The following CYP19A1 variants were observed in gnomAD, a reference collection of about 807,000 sequenced individuals.
CYP19A1 encodes aromatase.
A neutral mutation model predicts 44.4 loss-of-function variants in CYP19A1; 32 were observed. That is an observed-to-expected ratio of 0.72 (90% CI 0.54 to 0.97). The LOEUF is 0.97. Ranked by LOEUF, CYP19A1 falls within the 50% of genes least tolerant of loss-of-function variation. The pLI is 0.00. For missense variants in CYP19A1, 598 were observed against 637.8 expected (o/e 0.94, Z 0.67); for synonymous variants, 212 against 215.6 (o/e 0.98, Z 0.14).
chr15:51,220,013 G>C (rs2031931489), intron 5 of CYP19A1, among the ~76,000 whole-genome samples: 1 of 152,180 alleles, frequency 6.6e-6, no homozygotes, highest in Admixed American at 6.5e-5. Context: ...GCTGGAGTAG[G>C]GGAGATGCGG....
chr15:51,253,353 C>T (rs2034397209), intron 1 of CYP19A1, among the ~76,000 whole-genome samples: 1 of 152,180 alleles, frequency 6.6e-6, no homozygotes, highest in Non-Finnish European at 1.5e-5. Context: ...GGAGTTGTGC[C>T]CTCAGGGGTC....
intron 1 of CYP19A1, among the ~76,000 whole-genome samples, chr15:51,326,772 A>G (rs1487882854): frequency 1.3e-5 from 2 of 152,256 alleles, no homozygotes; most frequent in Admixed American, 6.5e-5. Context: ...AATGAGACAC[A>G]GGGCTTTGGA....
chr15:51,289,933 C>T (rs988399219), intron 1 of CYP19A1, among the ~76,000 whole-genome samples: 2 of 152,152 alleles, frequency 1.3e-5, no homozygotes, highest in African/African-American at 4.8e-5. Context: ...ACAGCACCCC[C>T]AACTTCCCAC....
At chr15:51,333,353 G>A (rs2036730388) in intron 1 of CYP19A1, among the ~76,000 whole-genome samples, 1 of 152,050 alleles carries the variant, frequency 6.6e-6, no homozygotes, top group Admixed American at 6.6e-5. Flanking sequence ...ACATCTCCCA[G>A]GCTCAGGAGT....
At chr15:51,258,604 T>TC (rs2034600340) in intron 1 of CYP19A1, among the ~76,000 whole-genome samples, 1 of 149,184 alleles carries the variant, frequency 6.7e-6, no homozygotes, top group South Asian at 2.2e-4. Context: ...GAAAAGGCCC[T>TC]CCTTCAGCAG....
chr15:51,249,706 C>T (rs1457103576), intron 1 of CYP19A1, among the ~76,000 whole-genome samples: 1 of 152,172 alleles, frequency 6.6e-6, no homozygotes, highest in Admixed American at 6.5e-5. Context: ...TGAACTTCTA[C>T]ATCAAGGAGA....
chr15:51,254,160 G>C (rs2034429679), intron 1 of CYP19A1, among the ~76,000 whole-genome samples: 2 of 152,218 alleles, frequency 1.3e-5, no homozygotes, highest in Non-Finnish European at 2.9e-5. Flanking sequence ...AGGAGGTTTT[G>C]AGAAAAACAG....
rs552387708 is a variant in CYP19A1 at position 51,231,165 on chromosome 15, T to G, written c.297-3232A>C. Among the ~76,000 whole-genome samples, 5 of 152,340 alleles carry G rather than the reference T, an allele frequency of 3.3e-5. No individual in the cohort carries two copies. In the South Asian group the frequency reaches 1.0e-3, roughly 32 times the overall value. ...TCTTCTGATGTGATGTGATATGAAG[T>G]TCCTAGTACTACTGAAGTGTTATTG... On this transcript the variant is annotated intron_variant, in intron 3 of 9. Coordinates refer to ENST00000396402, the MANE Select transcript of CYP19A1 (RefSeq NM_000103.4).
At chr15:51,237,685 C>T (rs192393128) in intron 2 of CYP19A1, among the ~76,000 whole-genome samples, 4 of 152,236 alleles carry the variant, frequency 2.6e-5, no homozygotes, top group East Asian at 3.9e-4. Context: ...AGTTTGAGTC[C>T]CATGATCTGG....
intron 1 of CYP19A1, among the ~76,000 whole-genome samples, chr15:51,270,310 C>A (rs2035077423): frequency 6.6e-6 from 1 of 152,112 alleles, no homozygotes; most frequent in Admixed American, 6.6e-5. Context: ...TGAAACCTTG[C>A]TGAATTCATT....
At chr15:51,223,589 TCTCTCACA>T (rs1374200834) in intron 4 of CYP19A1, among the ~76,000 whole-genome samples, 50 of 66,224 alleles carry the variant, frequency 7.6e-4, no homozygotes, top group African/African-American at 2.5e-3. Flanking sequence ...TCTCTCTCTC[TCTCTCACA>T]CACACACACA....
intron 1 of CYP19A1, among the ~76,000 whole-genome samples, chr15:51,336,095 A>G (rs1273057652): frequency 6.6e-6 from 1 of 152,082 alleles, no homozygotes; most frequent in Non-Finnish European, 1.5e-5. Context: ...TGAACCACAC[A>G]TCCAACTCTA....
intron 1 of CYP19A1, among the ~76,000 whole-genome samples, chr15:51,333,425 G>A (rs1938074457): frequency 6.6e-6 from 1 of 152,146 alleles, no homozygotes; most frequent in African/African-American, 2.4e-5. Context: ...CCATCTGCCA[G>A]GATACTCACT....
intron 5 of CYP19A1, among the ~76,000 whole-genome samples, chr15:51,221,010 G>C (rs999493435): frequency 7.9e-5 from 12 of 151,494 alleles, no homozygotes; most frequent in East Asian, 5.8e-4. Flanking sequence ...GATTTGGGGG[G>C]ATTTATAGGT....
At chr15:51,264,038 T>C (rs534286406) in intron 1 of CYP19A1, among the ~76,000 whole-genome samples, 7 of 152,290 alleles carry the variant, frequency 4.6e-5, no homozygotes, top group African/African-American at 1.4e-4. Flanking sequence ...GGAAGAACCA[T>C]GGCCTCTGAG....
chr15:51,330,692 A>G (rs2036686949), intron 1 of CYP19A1, among the ~76,000 whole-genome samples: 1 of 152,172 alleles, frequency 6.6e-6, no homozygotes, highest in Non-Finnish European at 1.5e-5. Flanking sequence ...TTGGGTGCAC[A>G]GAAGTTGAAG....
rs1477391969 is a variant in CYP19A1, at chr15:51,294,628, G to A, written c.-39+43867C>T. Among the ~76,000 whole-genome samples the A allele has an allele frequency of 2.9e-3, 431 of 147,764 alleles. 5 individuals are homozygous for A. The highest frequency in any genetic ancestry group is 4.1e-3 in the Non-Finnish European group (271 of 66,786). On this transcript the variant is annotated intron_variant, in intron 1 of 9. Transcript: ENST00000396402. The stretch of plus-strand genomic sequence containing the variant: ...GGCCAGCTGCCCTGTCCGGGAGGGA[G>A]GTGGGGGGGTCAGCCCCCCGCCCGG...
chr15:51,293,847 G>A (rs992981246), intron 1 of CYP19A1: 2 of 187,282 alleles, frequency 1.1e-5, no homozygotes, highest in Non-Finnish European at 2.1e-5. Flanking sequence ...ACGGAGTCTC[G>A]TTCACTCACT....
At chr15:51,275,314 C>T (rs146910234) in intron 1 of CYP19A1, among the ~76,000 whole-genome samples, 2 of 152,362 alleles carry the variant, frequency 1.3e-5, no homozygotes, top group African/African-American at 2.4e-5. Context: ...TGAGTCACTC[C>T]ACCCAACAGA....
Sources: gnomAD v4.1 joint callset for allele counts (sites outside exome capture counted in the v4.1 genomes callset) on GRCh38, gnomAD v4.1.1 for gene constraint, MANE v1.5 for transcripts, NCBI Gene and HGNC (gene_info 2026-07-23, HGNC 2026-07-21) for gene names.